The following DLG2 variants were observed in gnomAD, a reference collection of about 807,000 sequenced individuals.
DLG2 encodes discs large MAGUK scaffold protein 2.
DLG2 carries 45 observed loss-of-function variants against 132.5 expected under a neutral mutation model. The ratio of observed to expected loss-of-function variants is 0.34; its 90% CI spans 0.27 to 0.44. DLG2 has a LOEUF of 0.44. Among genes scored for constraint, DLG2 ranks in the 20% least tolerant of loss-of-function variants. The pLI, the probability that DLG2 is intolerant of heterozygous loss-of-function variation, is 1.00. For synonymous variants in DLG2, 424 were observed against 419.6 expected (o/e 1.01, Z -0.13); for missense variants, 1,045 against 1,196.9 (o/e 0.87, Z 1.87).
intron 6 of DLG2, among the ~76,000 whole-genome samples, chr11:85,084,114 G>C (rs1480481605): frequency 6.6e-6 from 1 of 152,172 alleles, no homozygotes. Context: ...AGCTGAAAGA[G>C]TATGTGGGAT....
intron 11 of DLG2, among the ~76,000 whole-genome samples, chr11:83,992,519 C>T (rs148092776): frequency 1.3e-5 from 2 of 151,968 alleles, no homozygotes. Flanking sequence ...TACTCAAAGA[C>T]CCAGCATTGA....
chr11:84,703,705 C>T (rs1388558688), intron 6 of DLG2, among the ~76,000 whole-genome samples: 2 of 150,888 alleles, frequency 1.3e-5, no homozygotes, highest in Middle Eastern at 3.4e-3. Flanking sequence ...AGCAAACTAG[C>T]CAAATCTTCA....
At chr11:84,179,073 T>C (rs1384284025) in intron 8 of DLG2, among the ~76,000 whole-genome samples, 1 of 152,016 alleles carries the variant, frequency 6.6e-6, no homozygotes, top group African/African-American at 2.4e-5. Context: ...CAGCCATAAA[T>C]ATGTGCAAAG....
chr11:84,570,376 G>A (rs991137340), intron 6 of DLG2, among the ~76,000 whole-genome samples: 11 of 152,042 alleles, frequency 7.2e-5, no homozygotes, highest in Admixed American at 2.6e-4. Flanking sequence ...GTTCACCTAC[G>A]GCACTCAGTG....
intron 6 of DLG2, among the ~76,000 whole-genome samples, chr11:84,657,439 T>C (rs1018176534): frequency 6.6e-6 from 1 of 152,078 alleles, no homozygotes; most frequent in African/African-American, 2.4e-5. Context: ...TGAGACCAGC[T>C]CTATGGCCTA....
chr11:84,866,605 A>G (rs1055724829), intron 6 of DLG2, among the ~76,000 whole-genome samples: 2 of 152,170 alleles, frequency 1.3e-5, no homozygotes, highest in Admixed American at 6.5e-5. Context: ...AACTTCACTG[A>G]ACTACACTGT....
chr11:85,420,090 G>A (rs1352012498), intron 3 of DLG2, among the ~76,000 whole-genome samples: 1 of 152,064 alleles, frequency 6.6e-6, no homozygotes, highest in East Asian at 1.9e-4. Context: ...TTGGTCTTTG[G>A]TTGGTGACCT....
At chr11:84,961,359 G>A (rs2052543362) in intron 6 of DLG2, among the ~76,000 whole-genome samples, 1 of 151,948 alleles carries the variant, frequency 6.6e-6, no homozygotes, top group East Asian at 1.9e-4. Flanking sequence ...AATACATGGT[G>A]TAAATACAAA....
chr11:83,773,174 C>T (rs1468407103), intron 18 of DLG2, among the ~76,000 whole-genome samples: 1 of 152,182 alleles, frequency 6.6e-6, no homozygotes, highest in Non-Finnish European at 1.5e-5. Context: ...ACCAGAGCAT[C>T]TGGGTGCAAG....
At chr11:85,384,708 C>T (rs2086181690) in intron 3 of DLG2, among the ~76,000 whole-genome samples, 1 of 152,146 alleles carries the variant, frequency 6.6e-6, no homozygotes, top group Non-Finnish European at 1.5e-5. Flanking sequence ...GGTGGGACTA[C>T]AGGTGCATGC....
chr11:84,940,075 T>A (rs1041356455), intron 6 of DLG2, among the ~76,000 whole-genome samples: 6 of 152,238 alleles, frequency 3.9e-5, no homozygotes, highest in Admixed American at 2.0e-4. Flanking sequence ...CTTCACATCC[T>A]TGCCAGCATT....
chr11:83,989,606 G>T (rs1393315901), intron 11 of DLG2, among the ~76,000 whole-genome samples: 2 of 152,132 alleles, frequency 1.3e-5, no homozygotes, highest in Non-Finnish European at 2.9e-5. Flanking sequence ...ACTGATAAAA[G>T]AAAATGCACA....
At chr11:83,513,916 G>C (rs2095172817) in intron 21 of DLG2, among the ~76,000 whole-genome samples, 1 of 152,166 alleles carries the variant, frequency 6.6e-6, no homozygotes, top group Admixed American at 6.5e-5. Context: ...GTACCACGCT[G>C]TTTTGGTTAC....
intron 7 of DLG2, among the ~76,000 whole-genome samples, chr11:84,529,795 T>G (rs2099330832): frequency 6.6e-6 from 1 of 152,110 alleles, no homozygotes; most frequent in African/African-American, 2.4e-5. Context: ...GAAGAACAAT[T>G]AAAATTCACA....
intron 7 of DLG2, among the ~76,000 whole-genome samples, chr11:84,461,841 A>G (rs917914543): frequency 1.3e-5 from 2 of 150,884 alleles, no homozygotes; most frequent in African/African-American, 4.8e-5. Flanking sequence ...GAGGGCAGCA[A>G]CTACATTTTA....
intron 7 of DLG2, among the ~76,000 whole-genome samples, chr11:84,400,421 C>A: frequency 6.6e-6 from 1 of 152,134 alleles, no homozygotes; most frequent in Admixed American, 6.5e-5. Flanking sequence ...AAACCTAAGA[C>A]TGGAAGTAAA....
At chr11:85,596,375 G>C (rs150505728) in intron 3 of DLG2, among the ~76,000 whole-genome samples, 1 of 152,128 alleles carries the variant, frequency 6.6e-6, no homozygotes, top group Non-Finnish European at 1.5e-5. Flanking sequence ...GCGACAGAGC[G>C]AGACTCCATC....
intron 7 of DLG2, among the ~76,000 whole-genome samples, chr11:84,430,270 T>C (rs1458787693): frequency 6.6e-6 from 1 of 151,856 alleles, no homozygotes; most frequent in Admixed American, 6.6e-5. Flanking sequence ...ACCCCATCTC[T>C]ACTAGAAATA....
At chr11:84,823,280 A>G (rs2077915151) in intron 6 of DLG2, among the ~76,000 whole-genome samples, 1 of 151,860 alleles carries the variant, frequency 6.6e-6, no homozygotes, top group African/African-American at 2.4e-5. Context: ...AGTATTATAG[A>G]ATTGAATATA....
Sources: allele counts gnomAD v4.1 joint callset (sites outside exome capture counted in the v4.1 genomes callset), GRCh38; gene constraint gnomAD v4.1.1; transcripts MANE v1.5; gene names NCBI Gene and HGNC (gene_info 2026-07-23, HGNC 2026-07-21).